The following CARD16 variants were observed in gnomAD, a reference collection of about 807,000 sequenced individuals.
The protein encoded by CARD16 is caspase recruitment domain-containing protein 16.
Under a neutral mutation model 11.9 loss-of-function variants are expected in CARD16, and 8 were observed. The observed-to-expected ratio is 0.67, with a 90% CI of 0.39 to 1.21. The LOEUF is 1.21. Among genes scored for constraint, CARD16 ranks in the 50% most tolerant of loss-of-function variants. The pLI is 0.01. For synonymous variants in CARD16, 44 were observed against 43.8 expected, an observed-to-expected ratio of 1.00 and a Z score of -0.02; for missense variants, 131 against 118.1, an observed-to-expected ratio of 1.11 and a Z score of -0.51.
At chr11:105,042,707 G>A (rs1055968485) in intron 3 of CARD16, among the ~76,000 whole-genome samples, 1 of 152,110 alleles carries the variant, frequency 6.6e-6, no homozygotes, top group Non-Finnish European at 1.5e-5. Flanking sequence ...TCTTTGTAAG[G>A]ATTTGTGAAA....
At position 105,044,773 on chromosome 11, in the gene CARD16, A is replaced by G. The variant is rs969907909; in HGVS notation, c.8-115T>C. 38 of 1,527,506 alleles carry G rather than the reference A, an allele frequency of 2.5e-5. No individual in the cohort carries two copies. The African/African-American group carries it at 2.8e-4, about 11-fold the overall frequency. The allele number at this position is 1,527,506 out of a possible 1,614,324, so 94.6% of individuals were successfully genotyped here. On this transcript the variant is annotated intron_variant, in intron 1 of 3. Coordinates refer to ENST00000673097, the MANE Select transcript of CARD16 (RefSeq NM_052889.4). ...ATCAGTGAAATGTCCCCCTCCTCAC[A>G]GTTGGGTAATCCCTCTTCTTACTGT...
chr11:105,043,919 TC>T (rs1864151545), intron 2 of CARD16: 1 of 260,686 alleles, frequency 3.8e-6, no homozygotes, highest in Admixed American at 4.9e-5. Context: ...TGAATGTATT[TC>T]CTGAACGTAT....
In CARD16 at chr11:105,041,767, T is replaced by G. The variant is rs377134338; in HGVS notation, c.*44-48A>C. On this transcript the variant is annotated intron_variant, in intron 3 of 3. Coordinates refer to ENST00000673097, the MANE Select transcript of CARD16 (RefSeq NM_052889.4). ...TGAACAGTGGTATCCCTCTTTGTTC[T>G]TATAGCCTCACCTATGGAGGAAGCT... 3.8e-5 allele frequency: 59 copies of G among 1,558,970 alleles called. No homozygotes were observed. In the Middle Eastern group the frequency reaches 6.8e-4, roughly 18 times the overall value.
At chr11:105,044,835 A>T in intron 1 of CARD16, 177 bp from the exon 2 acceptor site, 1 of 1,172,972 alleles carries the variant, frequency 8.5e-7, no homozygotes, top group Non-Finnish European at 1.2e-6. Context: ...TAGTCCCCAT[A>T]TATGTGCATG....
chr11:105,041,808 C>T (rs1006100747), intron 3 of CARD16, 89 bp from the exon 4 acceptor site: 74 of 1,248,958 alleles, frequency 5.9e-5, no homozygotes, highest in Non-Finnish European at 8.1e-5. Flanking sequence ...AGAGGAAATA[C>T]ATTCCTAGAG....
At chr11:105,042,316 T>C (rs1011647675) in intron 3 of CARD16, among the ~76,000 whole-genome samples, 14 of 152,192 alleles carry the variant, frequency 9.2e-5, no homozygotes, top group Non-Finnish European at 2.1e-4. Context: ...AATCATGGTG[T>C]GCTCTAGATG....
intron 2 of CARD16, chr11:105,043,880 T>C (rs2134887289): frequency 6.8e-6 from 2 of 296,004 alleles, no homozygotes; most frequent in East Asian, 7.0e-5. Context: ...GAAAGAGCCC[T>C]GTTGAAATCT....
chr11:105,045,163 C>T lies in CARD16; in HGVS notation c.7+128G>A, dbSNP rs1224708940. The T allele has an allele frequency of 2.2e-6, 3 of 1,342,700 alleles. No individual in the cohort carries two copies. In the South Asian group the frequency reaches 3.6e-5, roughly 16 times the overall value. The allele number at this position is 1,342,700 out of a possible 1,614,324, so 83.2% of individuals were successfully genotyped here. ...TCTTCTAGTTCCTTCTCTCCTCCCACTCCTCCCTCTCCCTCACTTCTGCTC... is the reference window on the plus strand; with the variant it reads ...TCTTCTAGTTCCTTCTCTCCTCCCATTCCTCCCTCTCCCTCACTTCTGCTC... On this transcript the variant is annotated intron_variant, in intron 1 of 3. Coordinates refer to ENST00000673097, the MANE Select transcript of CARD16 (RefSeq NM_052889.4).
chr11:105,045,238 T>G, intron 1 of CARD16, 53 bp downstream of exon 1: 1 of 1,613,442 alleles, frequency 6.2e-7, no homozygotes, highest in South Asian at 1.1e-5. Context: ...AGCCAGCCCT[T>G]TCCACAACTC....
Position 105,045,256 on chromosome 11 carries a change from C to T in CARD16, c.7+35G>A, listed in dbSNP as rs767130144. The T allele has an allele frequency of 4.3e-6, 7 of 1,613,784 alleles. No homozygotes were observed. The East Asian group carries it at 1.3e-4, about 31-fold the overall frequency. On this transcript the variant is annotated intron_variant, in intron 1 of 3. Transcript: ENST00000673097. ...CAGCCCTTTCCACAACTCTTTCTTC[C>T]CAGGGACCTGTTCTTGGAACAGTAA...
Position 105,045,315 on chromosome 11 carries a change from C to T in CARD16, c.-18G>A. On this transcript the variant is annotated 5_prime_UTR_variant, in exon 1 of 4. Transcript: ENST00000673097. ...CCGGCCATGGCTTTTCTCTCCTACC[C>T]TTCTTGTGTGGGCTGAAACTGAAAG... 6.2e-7 allele frequency: 1 copy of T among 1,613,982 alleles called. No individual in the cohort carries two copies. The highest frequency in any genetic ancestry group is 8.5e-7 in the Non-Finnish European group (1 of 1,179,872).
At position 105,043,845 on chromosome 11, in the gene CARD16, A is replaced by G. The variant is rs1864150473; in HGVS notation, c.275-300T>C. On this transcript the variant is annotated intron_variant, in intron 2 of 3. Transcript: ENST00000673097. Reference sequence around the variant, plus strand: ...AACAGACAAGCAGATCTTACTCAAAAGAAAATGCATGGGGGCAACGGGAGG... The same window carrying G: ...AACAGACAAGCAGATCTTACTCAAAGGAAAATGCATGGGGGCAACGGGAGG... The G allele has an allele frequency of 8.9e-6, 3 of 337,160 alleles. No homozygotes were observed. The South Asian group carries it at 1.9e-4, about 22-fold the overall frequency. The allele number at this position is 337,160 out of a possible 1,614,324, so 20.9% of individuals were successfully genotyped here. A position where few individuals can be genotyped will look rare whatever the true frequency, so the allele number is the denominator to read the frequency against.
In CARD16 at chr11:105,041,628, C is replaced by T. The variant is rs1864113998; in HGVS notation, c.*135G>A. ...ACCTCTGCAACTTTTGTTTCCATAT[C>T]CTTTGAGCGTCTTCTAGAAAGCAAA... On this transcript the variant is annotated 3_prime_UTR_variant, in exon 4 of 4. Coordinates refer to ENST00000673097, the MANE Select transcript of CARD16 (RefSeq NM_052889.4). The T allele has an allele frequency of 6.8e-6, 11 of 1,614,002 alleles. No individual in the cohort carries two copies. The East Asian group carries it at 2.2e-4, about 33-fold the overall frequency.
intron 3 of CARD16, among the ~76,000 whole-genome samples, chr11:105,042,670 ATAATT>A (rs1400713716): frequency 6.6e-6 from 1 of 152,212 alleles, no homozygotes; most frequent in African/African-American, 2.4e-5. Flanking sequence ...CTATAAAATA[ATAATT>A]TAGTAGAAGA....
intron 3 of CARD16, 122 bp from the exon 4 acceptor site, chr11:105,041,841 A>G (rs1164439221): frequency 4.3e-6 from 4 of 933,116 alleles, no homozygotes; most frequent in Non-Finnish European, 4.7e-6. Context: ...CTAGTCATTA[A>G]CATAGTTGAG....
intron 3 of CARD16, 60 bp from the exon 4 acceptor site, chr11:105,041,779 C>G: frequency 6.7e-7 from 1 of 1,494,880 alleles, no homozygotes; most frequent in Non-Finnish European, 9.2e-7. Flanking sequence ...ATAGCCTCAC[C>G]TATGGAGGAA....
chr11:105,043,262 G>A (rs1035367382), intron 3 of CARD16, among the ~76,000 whole-genome samples: 2 of 152,058 alleles, frequency 1.3e-5, no homozygotes, highest in Non-Finnish European at 1.5e-5. Flanking sequence ...ACTTATTTGG[G>A]TAATCAGAAT....
At position 105,045,094 on chromosome 11, in the gene CARD16, T is replaced by C. The variant is rs560532938; in HGVS notation, c.7+197A>G. 277 of 733,240 alleles carry C rather than the reference T, an allele frequency of 3.8e-4. 3 individuals carry two copies. The South Asian group carries it at 3.9e-3, about 10-fold the overall frequency. The allele number at this position is 733,240 out of a possible 1,614,324, so 45.4% of individuals were successfully genotyped here. On this transcript the variant is annotated intron_variant, in intron 1 of 3. Transcript: ENST00000673097. Reference sequence around the variant, plus strand: ...GACAGCAGGCTACCCCTAAAGTCTCTGTTCCTTTCTGGGCTTGCCTTTTCT... The same window carrying C: ...GACAGCAGGCTACCCCTAAAGTCTCCGTTCCTTTCTGGGCTTGCCTTTTCT...
intron 1 of CARD16, chr11:105,045,048 G>A: frequency 1.6e-6 from 1 of 631,292 alleles, no homozygotes; most frequent in Non-Finnish European, 2.8e-6. Flanking sequence ...GTAAGCAAGG[G>A]TTTAATTAAG....
Sources: allele counts gnomAD v4.1 joint callset (sites outside exome capture counted in the v4.1 genomes callset), GRCh38; gene constraint gnomAD v4.1.1; transcripts MANE v1.5; gene names NCBI Gene and HGNC (gene_info 2026-07-23, HGNC 2026-07-21).